The following IL17D variants were observed in gnomAD, a reference collection of about 807,000 sequenced individuals.
The protein encoded by IL17D is interleukin-17D.
In IL17D, 10 loss-of-function variants were observed where a neutral mutation model predicts 5.7. The ratio of observed to expected loss-of-function variants is 1.75; its 90% confidence interval spans 1.08 to 2.97. IL17D has a LOEUF of 2.97. Among genes scored for constraint, IL17D ranks in the 30% most tolerant of loss-of-function variants. The pLI, the probability that IL17D is intolerant of heterozygous loss-of-function variation, is 0.00. For missense variants in IL17D, 354 were observed against 292.7 expected (o/e 1.21, Z -1.53); for synonymous variants, 172 against 141.7 (o/e 1.21, Z -1.52).
chr13:20,714,826 T>C (rs1566519866), intron 1 of IL17D, among the ~76,000 whole-genome samples: 1 of 152,178 alleles, frequency 6.6e-6, no homozygotes, highest in Non-Finnish European at 1.5e-5. Flanking sequence ...TGGCAGCACA[T>C]ATTGAAGATC....
At chr13:20,702,753 A>AG (rs1202088673), upstream of IL17D, 1 of 152,242 alleles carries the variant, frequency 6.6e-6, no homozygotes. Flanking sequence ...AGTGCCAGTC[A>AG]GGGAAGTATT....
intron 1 of IL17D, among the ~76,000 whole-genome samples, chr13:20,705,305 C>T (rs575940472): frequency 1.8e-3 from 56 of 31,494 alleles, no homozygotes; most frequent in Non-Finnish European, 3.0e-3. Flanking sequence ...AGCCACAAGG[C>T]GAGCGGGGGC....
intron 1 of IL17D, among the ~76,000 whole-genome samples, chr13:20,705,176 A>C (rs1396214866): frequency 6.6e-6 from 1 of 152,212 alleles, no homozygotes; most frequent in Non-Finnish European, 1.5e-5. Context: ...ACAGAGGTCA[A>C]GAAAGGCTTC....
At chr13:20,708,076 C>T (rs2058604182) in intron 1 of IL17D, among the ~76,000 whole-genome samples, 1 of 152,134 alleles carries the variant, frequency 6.6e-6, no homozygotes, top group Non-Finnish European at 1.5e-5. Flanking sequence ...CCACGCCCAG[C>T]TAATTTTTGT....
chr13:20,718,508 TCAGA>T (rs138567304), intron 1 of IL17D, among the ~76,000 whole-genome samples: 37,270 of 94,642 alleles, frequency 0.39, 7,314 homozygotes, highest in Middle Eastern at 0.56. Context: ...CTGCCCACAC[TCAGA>T]CACACTTACC....
intron 1 of IL17D, among the ~76,000 whole-genome samples, chr13:20,719,358 C>T (rs897168342): frequency 2.0e-5 from 3 of 147,972 alleles, no homozygotes; most frequent in Admixed American, 2.0e-4. Context: ...CCTGCCCATA[C>T]TCACACACAT....
intron 1 of IL17D, chr13:20,713,885 G>A (rs867481834): frequency 6.6e-6 from 1 of 152,464 alleles, no homozygotes; most frequent in South Asian, 2.1e-4. Context: ...CCAGGCTCAT[G>A]TTGTGATAGT....
rs1269088792 is a variant in IL17D, at chr13:20,721,742, A to G, written c.397A>G (p.Ser133Gly). The change falls in exon 2 of 2, where the codon AGC becomes GGC. Residue 133 changes from serine to glycine, a missense_variant. Physicochemically the swap from Ser to Gly is moderately conservative, Grantham distance 56. Transcript: ENST00000682841. ...LFGEEDVRFR[S>G]APVYMPTVVL... Reference sequence around the variant, plus strand: ...CGGCGAGGAGGACGTGCGCTTCCGCAGCGCCCCTGTCTACATGCCCACCGT... The same window carrying G: ...CGGCGAGGAGGACGTGCGCTTCCGCGGCGCCCCTGTCTACATGCCCACCGT... The G allele has an allele frequency of 1.2e-6, 2 of 1,610,484 alleles. No homozygotes were observed. Among genetic ancestry groups the G allele is most frequent in the Admixed American group, 3.3e-5 (2 of 59,964 alleles).
chr13:20,709,888 G>A (rs1457385623), intron 1 of IL17D, among the ~76,000 whole-genome samples: 1 of 152,172 alleles, frequency 6.6e-6, no homozygotes, highest in Non-Finnish European at 1.5e-5. Flanking sequence ...TGCTCTTAAA[G>A]GCTCTGGGGC....
At chr13:20,719,276 C>A (rs2058713248) in intron 1 of IL17D, among the ~76,000 whole-genome samples, 1 of 150,614 alleles carries the variant, frequency 6.6e-6, no homozygotes, top group African/African-American at 2.4e-5. Flanking sequence ...CACCCCCACA[C>A]CTGCCCACGC....
Position 20,721,736 on chromosome 13 carries a change from T to C in IL17D, c.391T>C (p.Phe131Leu), listed in dbSNP as rs545770490. 1.9e-5 allele frequency: 31 copies of C among 1,610,830 alleles called. No individual in the cohort carries two copies. The African/African-American group carries it at 3.5e-4, about 18-fold the overall frequency. ...GCTGTTCGGCGAGGAGGACGTGCGCTTCCGCAGCGCCCCTGTCTACATGCC... is the reference window on the plus strand; with the variant it reads ...GCTGTTCGGCGAGGAGGACGTGCGCCTCCGCAGCGCCCCTGTCTACATGCC... The part of the protein sequence containing the change: ...TGLFGEEDVR[F>L]RSAPVYMPTV... The change falls in exon 2 of 2, where the codon TTC (phenylalanine) becomes CTC (leucine). Residue 131 changes from phenylalanine to leucine, a missense_variant. Coordinates refer to ENST00000682841, the MANE Select transcript of IL17D (RefSeq NM_001385224.1).
chr13:20,703,388 T>C (rs2058559617), upstream of IL17D: 1 of 985,942 alleles, frequency 1.0e-6, no homozygotes. Flanking sequence ...AGTCGCTCTG[T>C]GTCCGTGAGG....
chr13:20,711,638 A>G (rs975487965), intron 1 of IL17D, among the ~76,000 whole-genome samples: 7 of 152,246 alleles, frequency 4.6e-5, no homozygotes, highest in Non-Finnish European at 7.3e-5. Context: ...CGAAGAGGCC[A>G]TGAGACCCTC....
chr13:20,710,521 T>C (rs1223126450), intron 1 of IL17D, among the ~76,000 whole-genome samples: 17 of 145,142 alleles, frequency 1.2e-4, no homozygotes, highest in Admixed American at 2.8e-4. Context: ...CCCAGCTACT[T>C]GGGAGGCTGA....
intron 1 of IL17D, among the ~76,000 whole-genome samples, chr13:20,715,038 C>G (rs1242844300): frequency 6.6e-6 from 1 of 152,182 alleles, no homozygotes; most frequent in African/African-American, 2.4e-5. Flanking sequence ...CCCTTCCTTC[C>G]CCTGTGGTCT....
chr13:20,722,055 C>G lies in IL17D; in HGVS notation c.*101C>G, dbSNP rs535322803. 2 of 998,124 alleles carry G rather than the reference C, an allele frequency of 2.0e-6. No homozygotes were observed. Among genetic ancestry groups the G allele is most frequent in the African/African-American group, 1.7e-5 (1 of 59,880 alleles). The allele number at this position is 998,124 out of a possible 1,614,324, so 61.8% of individuals were successfully genotyped here. ...TCGGCGACCTCTGAAGAGAGTGCAC[C>G]GAGCAAACCAAGTGCCGGAGCACCA... On this transcript the variant is annotated 3_prime_UTR_variant, in exon 2 of 2. Coordinates refer to ENST00000682841, the MANE Select transcript of IL17D (RefSeq NM_001385224.1).
intron 1 of IL17D, among the ~76,000 whole-genome samples, chr13:20,709,988 C>T (rs2058621775): frequency 6.6e-6 from 1 of 152,050 alleles, no homozygotes; most frequent in Admixed American, 6.6e-5. Flanking sequence ...GGAGCCCAGA[C>T]CTGGAAAGAT....
rs1226260247 is a variant in IL17D, at chr13:20,722,617, C to G, written c.*663C>G. ...GATGAAATGGACACGTCTCATCTGA[C>G]CCACTCTTCCTTCCACTGAAGGTCT... On this transcript the variant is annotated 3_prime_UTR_variant, in exon 2 of 2. Coordinates refer to ENST00000682841, the MANE Select transcript of IL17D (RefSeq NM_001385224.1). 6.6e-6 allele frequency: 1 copy of G among 152,168 alleles called. No homozygotes were observed. Among genetic ancestry groups the G allele is most frequent in the Non-Finnish European group, 1.5e-5 (1 of 68,030 alleles). The allele number at this position is 152,168 out of a possible 1,614,324, so 9.4% of individuals were successfully genotyped here. A position where few individuals can be genotyped will look rare whatever the true frequency, so the allele number is the denominator to read the frequency against.
At chr13:20,718,696 CCACGCT>C (rs2058703031) in intron 1 of IL17D, among the ~76,000 whole-genome samples, 3 of 90,976 alleles carry the variant, frequency 3.3e-5, no homozygotes, top group Admixed American at 2.3e-4. Flanking sequence ...ACTTACACGC[CCACGCT>C]CACACACACC....
Sources: gnomAD v4.1 joint callset for allele counts (sites outside exome capture counted in the v4.1 genomes callset) on GRCh38, gnomAD v4.1.1 for gene constraint, MANE v1.5 for transcripts, NCBI Gene and HGNC (gene_info 2026-07-23, HGNC 2026-07-21) for gene names.